The following CNIH3 variants were observed in gnomAD, a reference collection of about 807,000 sequenced individuals.
CNIH3 encodes cornichon family AMPA receptor auxiliary protein 3, also known as protein cornichon homolog 3.
In CNIH3, 14 loss-of-function variants were observed where a neutral mutation model predicts 24.1. That is an observed-to-expected ratio of 0.58 (90% confidence interval 0.38 to 0.91). CNIH3 has a LOEUF of 0.91. Among genes scored for constraint, CNIH3 ranks in the 40% least tolerant of loss-of-function variants. CNIH3 has a pLI of 0.00. For missense variants in CNIH3, 178 were observed against 196.8 expected (o/e 0.90, Z 0.57); for synonymous variants, 68 against 73.8 (o/e 0.92, Z 0.40).
chr1:224,568,096 C>T (rs1572492849), intron 4 of CNIH3, among the ~76,000 whole-genome samples: 1 of 152,104 alleles, frequency 6.6e-6, no homozygotes, highest in Admixed American at 6.5e-5. Flanking sequence ...TCAAGACCAT[C>T]CTGGCCAACA....
At chr1:224,465,324 G>A (rs1001775226) in intron 1 of CNIH3, among the ~76,000 whole-genome samples, 30 of 152,196 alleles carry the variant, frequency 2.0e-4, no homozygotes, top group African/African-American at 6.5e-4. Context: ...GGTCAGGCTG[G>A]TCTCGAACTC....
chr1:224,604,060 TAG>T lies in CNIH3; in HGVS notation n.402+37799_402+37800del, dbSNP rs1682315429. ...ACCAGTGGCAACCACATGATTTCAG[TAG>T]AGTGATAAAAATGTGATGTATATAC... On this transcript the variant is annotated intron_variant and non_coding_transcript_variant, in intron 3 of 7. Transcript: ENST00000478120. The surrounding 1 kb of genome is among the most constrained non-coding windows in gnomAD (Gnocchi z 4.4). Among the ~76,000 whole-genome samples the T allele has an allele frequency of 6.6e-6, 1 of 152,178 alleles. No homozygotes were observed. Among genetic ancestry groups the T allele is most frequent in the Non-Finnish European group, 1.5e-5 (1 of 68,044 alleles).
At chr1:224,686,724 G>A (rs10915693) in intron 3 of CNIH3, among the ~76,000 whole-genome samples, 38,396 of 152,080 alleles carry the variant, frequency 0.25, 5,066 homozygotes, top group East Asian at 0.39. Flanking sequence ...TTTTATCCTT[G>A]CTTATTCTTT....
intron 3 of CNIH3, among the ~76,000 whole-genome samples, chr1:224,697,309 C>A (rs1687231090): frequency 6.6e-6 from 1 of 152,156 alleles, no homozygotes; most frequent in African/African-American, 2.4e-5. Flanking sequence ...TTGTCCCGCC[C>A]CCCGGAATTT....
At position 224,740,174 on chromosome 1, in the gene CNIH3, C is replaced by G. The variant is rs1689799293; in HGVS notation, c.*818C>G. 1 of 152,164 alleles carries G rather than the reference C, an allele frequency of 6.6e-6. No individual in the cohort carries two copies. Among genetic ancestry groups the G allele is most frequent in the African/African-American group, 2.4e-5 (1 of 41,424 alleles). The allele number at this position is 152,164 out of a possible 1,614,324, so 9.4% of individuals were successfully genotyped here. On this transcript the variant is annotated 3_prime_UTR_variant, in exon 6 of 6. Coordinates refer to ENST00000272133, the MANE Select transcript of CNIH3 (RefSeq NM_152495.2). ...CAGAAAATCCTGTGGAGTGGCTGCT[C>G]TGTACCGTGGGCATCCGGCAGCCAG...
intron 4 of CNIH3, among the ~76,000 whole-genome samples, chr1:224,578,016 G>C (rs1448525869): frequency 6.6e-6 from 1 of 152,046 alleles, no homozygotes; most frequent in African/African-American, 2.4e-5. Flanking sequence ...GGAGCTTGCA[G>C]GGAAGGGTGG....
intron 3 of CNIH3, among the ~76,000 whole-genome samples, chr1:224,599,199 G>C (rs147667070): frequency 1.3e-5 from 2 of 152,184 alleles, no homozygotes; most frequent in African/African-American, 4.8e-5. Flanking sequence ...AATGGGCTCA[G>C]CTGGGCACTT....
chr1:224,465,427 C>T (rs1572296807), intron 1 of CNIH3, among the ~76,000 whole-genome samples: 1 of 152,360 alleles, frequency 6.6e-6, no homozygotes. Flanking sequence ...TTATCTTTAA[C>T]TCATCACAGT....
At chr1:224,453,772 TCATGGCTGGGACTA>T (rs1675529250) in intron 1 of CNIH3, among the ~76,000 whole-genome samples, 1 of 152,126 alleles carries the variant, frequency 6.6e-6, no homozygotes, top group Admixed American at 6.6e-5. Flanking sequence ...TCAGCCTCCT[TCATGGCTGGGACTA>T]CAGGTGCCCT....
At chr1:224,435,595 A>T (rs1389835604) in intron 1 of CNIH3, 1 of 152,252 alleles carries the variant, frequency 6.6e-6, no homozygotes, top group Admixed American at 6.5e-5. Context: ...TTTAGGGAGC[A>T]GTAACATAAA....
chr1:224,624,175 A>T (rs1176171555), intron 1 of CNIH3, among the ~76,000 whole-genome samples: 1 of 152,100 alleles, frequency 6.6e-6, no homozygotes, highest in Non-Finnish European at 1.5e-5. Context: ...TCAGCACTTG[A>T]TGAGGACATC....
intron 2 of CNIH3, among the ~76,000 whole-genome samples, chr1:224,523,703 A>G (rs1293255807): frequency 6.6e-6 from 1 of 152,176 alleles, no homozygotes; most frequent in African/African-American, 2.4e-5. Context: ...TGTGTGTTAC[A>G]TGTCAATAAA....
chr1:224,536,634 G>GC (rs1368851934), intron 2 of CNIH3, among the ~76,000 whole-genome samples: 3 of 152,126 alleles, frequency 2.0e-5, no homozygotes, highest in Non-Finnish European at 2.9e-5. Flanking sequence ...ATAATGTAGA[G>GC]CCCTTTAATG....
In CNIH3 at chr1:224,562,987, A is replaced by T. The variant is rs141203176; in HGVS notation, n.451-3212A>T. On this transcript the variant is annotated intron_variant and non_coding_transcript_variant, in intron 3 of 5. Coordinates refer to the CNIH3 transcript ENST00000471578. The stretch of plus-strand genomic sequence containing the variant: ...TAAAATGATTCCAGCACTTTGGGAA[A>T]CTGTTTGCAAAATCTGCTACTCAAT... Among the ~76,000 whole-genome samples, 51 of 152,346 alleles carry T rather than the reference A, an allele frequency of 3.3e-4. No homozygotes were observed. The East Asian group carries it at 9.8e-3, about 29-fold the overall frequency.
intron 3 of CNIH3, among the ~76,000 whole-genome samples, chr1:224,550,492 ATAT>A (rs2124964764): frequency 6.6e-6 from 1 of 152,324 alleles, no homozygotes; most frequent in South Asian, 2.1e-4. Flanking sequence ...TAAGCACTGG[ATAT>A]TATAGAAATA....
intron 1 of CNIH3, among the ~76,000 whole-genome samples, chr1:224,468,198 T>G (rs1171445260): frequency 6.6e-6 from 1 of 152,188 alleles, no homozygotes; most frequent in East Asian, 1.9e-4. Context: ...CCATATAAAT[T>G]TTAGAATAAG....
intron 3 of CNIH3, among the ~76,000 whole-genome samples, chr1:224,551,492 G>A (rs1227977477): frequency 6.6e-6 from 1 of 152,030 alleles, no homozygotes; most frequent in Non-Finnish European, 1.5e-5. Context: ...TGTAATCACC[G>A]AATATTATAG....
At chr1:224,506,965 G>T (rs578074090) in intron 1 of CNIH3, among the ~76,000 whole-genome samples, 2 of 152,092 alleles carry the variant, frequency 1.3e-5, no homozygotes, top group Non-Finnish European at 2.9e-5. Flanking sequence ...TGGGGCTCAG[G>T]TGATCCTCCT....
intron 3 of CNIH3, among the ~76,000 whole-genome samples, chr1:224,691,503 A>G (rs1480951261): frequency 2.6e-5 from 4 of 152,198 alleles, no homozygotes; most frequent in Admixed American, 1.3e-4. Context: ...GACAAGACCA[A>G]TGCACTGGTT....
Sources: gnomAD v4.1 joint callset for allele counts (sites outside exome capture counted in the v4.1 genomes callset) on GRCh38, gnomAD v4.1.1 for gene constraint, Gnocchi (gnomAD v3.1) non-coding constraint, MANE v1.5 for transcripts, NCBI Gene and HGNC (gene_info 2026-07-23, HGNC 2026-07-21) for gene names.